Variants in GET4 observed in about 807,000 individuals in gnomAD.
The protein encoded by GET4 is Golgi to ER traffic protein 4 homolog.
In GET4, 20 loss-of-function variants were observed where a neutral mutation model predicts 40.0. The observed-to-expected ratio is 0.50, with a 90% CI of 0.35 to 0.73. The LOEUF (loss-of-function observed/expected upper bound fraction) is 0.73. Among genes scored for constraint, GET4 ranks in the 30% least tolerant of loss-of-function variants. The probability of loss-of-function intolerance (pLI) is 0.01; values close to 1 mark genes in which losing one functional copy is unlikely to be tolerated. For missense variants in GET4, 557 were observed against 454.0 expected, an observed-to-expected ratio of 1.23 and a Z score of -2.06; for synonymous variants, 280 against 194.6, an observed-to-expected ratio of 1.44 and a Z score of -3.65.
chr7:881,648 G>A (rs568482090), intron 1 of GET4: 1 of 152,152 alleles, frequency 6.6e-6, no homozygotes, highest in Non-Finnish European at 1.5e-5. Flanking sequence ...GCCTCGGGCA[G>A]GTGTGCAGGC....
intron 1 of GET4, chr7:882,676 C>T (rs1158169889): frequency 2.7e-5 from 4 of 150,808 alleles, no homozygotes; most frequent in South Asian, 2.0e-4. Flanking sequence ...TGTGGGCGGC[C>T]GACCTTGCCC....
chr7:883,314 T>G (rs1844123808), intron 1 of GET4: 1 of 156,606 alleles, frequency 6.4e-6, no homozygotes, highest in Non-Finnish European at 1.4e-5. Flanking sequence ...GTATTTCCTC[T>G]TCATCCTTCA....
chr7:877,656 G>T (rs1411405804), intron 1 of GET4, among the ~76,000 whole-genome samples: 8 of 123,670 alleles, frequency 6.5e-5, no homozygotes, highest in Non-Finnish European at 1.2e-4. Context: ...CTTCCGCCGG[G>T]CCTTCACCTG....
At chr7:895,150 G>A (rs995064498) in intron 8 of GET4, among the ~76,000 whole-genome samples, 184 bp from the exon 9 acceptor site, 1 of 152,038 alleles carries the variant, frequency 6.6e-6, no homozygotes, top group Non-Finnish European at 1.5e-5. Flanking sequence ...CTCTGTGGTC[G>A]TCGGCTCCCT....
intron 5 of GET4, 129 bp downstream of exon 5, chr7:891,195 C>T (rs1485420411): frequency 1.0e-5 from 7 of 666,932 alleles, no homozygotes; most frequent in South Asian, 2.0e-5. Flanking sequence ...GGGCAGAGCC[C>T]ACAGTGCACT....
rs1159213505 is a variant in GET4 at position 889,785 on chromosome 7, TGGGAGTGGA to T, written c.467-1137_467-1129del. ...CGCGAGCGGGTGTTAGGACGGGGCC[TGGGAGTGGA>T]GGGAGCGAGAGCGGGTGTTAGGACG... is the stretch of plus-strand genomic sequence containing the variant. On this transcript the variant is annotated intron_variant, in intron 4 of 8. Coordinates refer to ENST00000265857, the MANE Select transcript of GET4 (RefSeq NM_015949.3). 2.2e-3 allele frequency among the ~76,000 whole-genome samples: 148 copies of T among 66,734 alleles called. 25 individuals carry two copies. The highest frequency in any genetic ancestry group is 3.1e-3 in the Non-Finnish European group (106 of 34,124). The allele number at this position is 66,734 out of a possible 152,430, so 43.8% of individuals were successfully genotyped here.
chr7:887,454 G>A lies in GET4; in HGVS notation c.401G>A (p.Ser134Asn). The change falls in exon 4 of 9, where the codon AGT becomes AAT. Residue 134 changes from serine to asparagine, a missense_variant. Physicochemically the swap from Ser to Asn is conservative, Grantham distance 46 (BLOSUM62 1). Transcript: ENST00000265857. Reference sequence around the variant, plus strand: ...GTGTCCAGAGCCCTGAAGTGGTCCAGTGGGGGCTCCGGGAAGCTGGGCCAC... The same window carrying A: ...GTGTCCAGAGCCCTGAAGTGGTCCAATGGGGGCTCCGGGAAGCTGGGCCAC... ...TFVSRALKWS[S>N]GGSGKLGHPR... 6.3e-7 allele frequency: 1 copy of A among 1,595,294 alleles called. No individual in the cohort carries two copies.
At chr7:887,543 G>T in intron 4 of GET4, 24 bp downstream of exon 4, 8 of 1,495,806 alleles carry the variant, frequency 5.3e-6, no homozygotes, top group Non-Finnish European at 7.1e-6. Flanking sequence ...CAGGGCAGGC[G>T]TGGGCACCTC....
Position 892,374 on chromosome 7 carries a change from G to A in GET4, c.702G>A (p.Glu234=), listed in dbSNP as rs777090815. Residue 234 remains glutamate, a synonymous_variant, in exon 6 of 9, where the codon GAG becomes GAA. Coordinates refer to ENST00000265857, the MANE Select transcript of GET4 (RefSeq NM_015949.3). ...PSIEDGPPFV[E]PLLNFIWFLL... ...TCGAGGACGGGCCTCCGTTTGTGGAGCCGCTGCTTAACTTCATCTGGTTCC... is the reference window on the plus strand; with the variant it reads ...TCGAGGACGGGCCTCCGTTTGTGGAACCGCTGCTTAACTTCATCTGGTTCC... 4 of 1,594,048 alleles carry A rather than the reference G, an allele frequency of 2.5e-6. No individual in the cohort carries two copies. Among genetic ancestry groups the A allele is most frequent in the East Asian group, 4.5e-5 (2 of 44,194 alleles).
rs936119403 is a variant in GET4, at chr7:891,113, G to A, written c.605+47G>A. 8.6e-6 allele frequency: 13 copies of A among 1,509,138 alleles called. 1 individual carries two copies. The Middle Eastern group carries it at 5.7e-4, about 67-fold the overall frequency. The allele number at this position is 1,509,138 out of a possible 1,614,324, so 93.5% of individuals were successfully genotyped here. A position where few individuals can be genotyped will look rare whatever the true frequency, so the allele number is the denominator to read the frequency against. ...GGTCTCGGCTTCCATTGCTGCCTTG[G>A]CTGGGCAGCCTTAGAACAGGTCCCC... On this transcript the variant is annotated intron_variant, in intron 5 of 8. Transcript: ENST00000265857.
intron 1 of GET4, chr7:881,698 G>C (rs1425654509): frequency 1.3e-5 from 2 of 152,130 alleles, no homozygotes; most frequent in African/African-American, 4.8e-5. Context: ...GTTTATTTTA[G>C]CCTCAGGTCT....
At chr7:894,990 G>A (rs1844442160) in intron 8 of GET4, among the ~76,000 whole-genome samples, 1 of 151,848 alleles carries the variant, frequency 6.6e-6, no homozygotes, top group African/African-American at 2.4e-5. Flanking sequence ...TTTCCGTGAG[G>A]TGGTGTTGGT....
rs1213057019 is a variant in GET4, at chr7:893,829, G to A, written c.822+14G>A. 7.5e-6 allele frequency: 12 copies of A among 1,609,434 alleles called. No homozygotes were observed. Among genetic ancestry groups the A allele is most frequent in the Non-Finnish European group, 9.4e-6 (11 of 1,176,352 alleles). Reference sequence around the variant, plus strand: ...ATGTACAACGAGGTGAGAGCTTGGGGCTGGGGAGGGAGGAGGGGACCCCAC... The same window carrying A: ...ATGTACAACGAGGTGAGAGCTTGGGACTGGGGAGGGAGGAGGGGACCCCAC... On this transcript the variant is annotated intron_variant, in intron 7 of 8. Transcript: ENST00000265857.
In GET4 at chr7:891,160, C is replaced by T. The variant is rs983431466; in HGVS notation, c.605+94C>T. 6 of 990,038 alleles carry T rather than the reference C, an allele frequency of 6.1e-6. No homozygotes were observed. In the African/African-American group the frequency reaches 8.2e-5, roughly 13 times the overall value. 61.3% of individuals were successfully genotyped at this position (990,038 alleles called of 1,614,324 possible). A position where few individuals can be genotyped will look rare whatever the true frequency, so the allele number is the denominator to read the frequency against. ...CCCCTTGTCCCCTGTCCGAGCCGAGCTGCAGGATAAACTGAGTTCACTCTG... is the reference window on the plus strand; with the variant it reads ...CCCCTTGTCCCCTGTCCGAGCCGAGTTGCAGGATAAACTGAGTTCACTCTG... On this transcript the variant is annotated intron_variant, in intron 5 of 8. Transcript: ENST00000265857.
intron 6 of GET4, 139 bp from the exon 7 acceptor site, chr7:893,601 C>G (rs1483282156): frequency 4.0e-6 from 2 of 497,198 alleles, no homozygotes; most frequent in Admixed American, 3.3e-5. Flanking sequence ...TGGGCATGGG[C>G]GCGGTGTGTG....
chr7:877,120 C>T (rs371022008), intron 1 of GET4, among the ~76,000 whole-genome samples: 2 of 151,700 alleles, frequency 1.3e-5, no homozygotes, highest in African/African-American at 4.8e-5. Context: ...CCTCGGCCTT[C>T]CTCTGTCTCC....
Position 887,533 on chromosome 7 carries a change from C to T in GET4, c.466+14C>T, listed in dbSNP as rs376197716. Reference sequence around the variant, plus strand: ...CCCTGTGGAAAGGTAGGCCTGGGGCCAGGGCAGGCGTGGGCACCTCTCTGC... The same window carrying T: ...CCCTGTGGAAAGGTAGGCCTGGGGCTAGGGCAGGCGTGGGCACCTCTCTGC... On this transcript the variant is annotated intron_variant, in intron 4 of 8. Coordinates refer to ENST00000265857, the MANE Select transcript of GET4 (RefSeq NM_015949.3). The T allele has an allele frequency of 6.6e-7, 1 of 1,515,572 alleles. No homozygotes were observed. Among genetic ancestry groups the T allele is most frequent in the East Asian group, 2.3e-5 (1 of 43,204 alleles). 93.9% of individuals were successfully genotyped at this position (1,515,572 alleles called of 1,614,324 possible).
rs908683263 is a variant in GET4, at chr7:896,167, A to ATGAT, written c.*751_*754dup. 6.6e-6 allele frequency: 1 copy of ATGAT among 152,298 alleles called. No homozygotes were observed. Among genetic ancestry groups the ATGAT allele is most frequent in the South Asian group, 2.1e-4 (1 of 4,818 alleles). 9.4% of individuals were successfully genotyped at this position (152,298 alleles called of 1,614,324 possible). A position where few individuals can be genotyped will look rare whatever the true frequency, so the allele number is the denominator to read the frequency against. On this transcript the variant is annotated 3_prime_UTR_variant, in exon 9 of 9. Transcript: ENST00000265857. ...ACGCAATATTTATTTGTATTGGGTG[A>ATGAT]TGATTGATTCTTTCGACCTAACATT...
At chr7:883,741 G>A in intron 1 of GET4, 1 of 986,392 alleles carries the variant, frequency 1.0e-6, no homozygotes, top group Non-Finnish European at 1.2e-6. Context: ...GCTTGAGAGG[G>A]TACCTGTCCT....
Sources: gnomAD v4.1 joint callset for allele counts (sites outside exome capture counted in the v4.1 genomes callset) on GRCh38, gnomAD v4.1.1 for gene constraint, MANE v1.5 for transcripts, NCBI Gene and HGNC (gene_info 2026-07-23, HGNC 2026-07-21) for gene names.